The following CHST11 variants were observed in gnomAD, a reference collection of about 807,000 sequenced individuals.
The protein encoded by CHST11 is carbohydrate sulfotransferase 11.
A neutral mutation model predicts 30.4 loss-of-function variants in CHST11; 9 were observed. The observed-to-expected ratio is 0.30, with a 90% confidence interval of 0.18 to 0.52. The LOEUF is 0.52. Ranked by LOEUF, CHST11 falls within the 20% of genes least tolerant of loss-of-function variation. The pLI is 0.97. For missense variants in CHST11, 348 were observed against 460.6 expected, an observed-to-expected ratio of 0.76 and a Z score of 2.24; for synonymous variants, 152 against 187.8, an observed-to-expected ratio of 0.81 and a Z score of 1.56.
intron 1 of CHST11, among the ~76,000 whole-genome samples, chr12:104,577,209 G>C (rs1179277576): frequency 1.4e-5 from 2 of 139,932 alleles, no homozygotes; most frequent in Non-Finnish European, 3.1e-5. Flanking sequence ...GGTATGATTC[G>C]TGTATCTGAG....
intron 2 of CHST11, among the ~76,000 whole-genome samples, chr12:104,687,443 C>G (rs1385949921): frequency 6.6e-6 from 1 of 152,242 alleles, no homozygotes; most frequent in Non-Finnish European, 1.5e-5. Flanking sequence ...CCTGAGTTAT[C>G]TCATCTCACC....
chr12:104,753,263 A>G (rs2040448391), intron 2 of CHST11, among the ~76,000 whole-genome samples: 1 of 152,200 alleles, frequency 6.6e-6, no homozygotes, highest in South Asian at 2.1e-4. Context: ...CCACGTTCTC[A>G]TTCATGTGTT....
intron 2 of CHST11, among the ~76,000 whole-genome samples, chr12:104,656,521 A>G (rs1008854439): frequency 2.0e-5 from 3 of 152,120 alleles, no homozygotes; most frequent in East Asian, 1.9e-4. Flanking sequence ...GTCATCTCCT[A>G]TGAAGCCAAC....
chr12:104,658,815 T>C (rs911130270), intron 2 of CHST11, among the ~76,000 whole-genome samples: 1 of 152,360 alleles, frequency 6.6e-6, no homozygotes, highest in East Asian at 1.9e-4. Flanking sequence ...TATTAACTCA[T>C]GTAATCCTCA....
chr12:104,680,935 G>GAC (rs1310781707), intron 2 of CHST11, among the ~76,000 whole-genome samples: 3 of 152,212 alleles, frequency 2.0e-5, no homozygotes, highest in African/African-American at 7.2e-5. Context: ...TGGCTGTGTG[G>GAC]TCTTGGACAA....
At chr12:104,611,435 T>C (rs1480352248) in intron 2 of CHST11, among the ~76,000 whole-genome samples, 1 of 152,228 alleles carries the variant, frequency 6.6e-6, no homozygotes, top group Non-Finnish European at 1.5e-5. Flanking sequence ...GTTATGACAC[T>C]AATCTCACTC....
chr12:104,601,786 A>G, intron 1 of CHST11, 120 bp from the exon 2 acceptor site: 1 of 722,812 alleles, frequency 1.4e-6, no homozygotes, highest in Non-Finnish European at 2.3e-6. Flanking sequence ...TTCCTTTGCT[A>G]GAAGCTGGTT....
intron 2 of CHST11, among the ~76,000 whole-genome samples, chr12:104,605,152 CAAAAAAAA>C (rs3039180): frequency 2.6e-4 from 24 of 93,516 alleles, no homozygotes; most frequent in Non-Finnish European, 3.3e-4. Context: ...ATCCCCTCTC[CAAAAAAAA>C]AAAAAAAAAA....
rs374693061 is a variant in CHST11, at chr12:104,635,470, AG to A, written c.204+33485del. ...GTCTTACAAGCAGTCATCTCATCAC[AG>A]GGGGGTTGGAAGGAGAATTCAGGAG... is the stretch of plus-strand genomic sequence containing the variant. On this transcript the variant is annotated intron_variant, in intron 2 of 2. Coordinates refer to ENST00000303694, the MANE Select transcript of CHST11 (RefSeq NM_018413.6). 4.6e-3 allele frequency among the ~76,000 whole-genome samples: 708 copies of A among 152,260 alleles called. 4 individuals are homozygous for A. The highest frequency in any genetic ancestry group is 0.016 in the African/African-American group (677 of 41,544).
At position 104,730,598 on chromosome 12, in the gene CHST11, C is replaced by T. The variant is rs143547511; in HGVS notation, c.205-26351C>T. ...AAGTGTGGCGTGGCTGGCCCAGCGA[C>T]GGGCCCAGAGGAGGAGACACTTGGT... On this transcript the variant is annotated intron_variant, in intron 2 of 2. Transcript: ENST00000303694. Among the ~76,000 whole-genome samples the T allele has an allele frequency of 6.3e-3, 955 of 152,138 alleles. 16 individuals carry two copies. The highest frequency in any genetic ancestry group is 0.021 in the African/African-American group (891 of 41,496).
intron 2 of CHST11, among the ~76,000 whole-genome samples, chr12:104,631,687 C>A (rs1276425442): frequency 6.6e-6 from 1 of 152,212 alleles, no homozygotes; most frequent in African/African-American, 2.4e-5. Flanking sequence ...CCTCCCTTTG[C>A]TCTCAGGACT....
chr12:104,749,142 G>T (rs558218032), intron 2 of CHST11, among the ~76,000 whole-genome samples: 1 of 152,160 alleles, frequency 6.6e-6, no homozygotes, highest in South Asian at 2.1e-4. Flanking sequence ...GTGAATCGTG[G>T]CATTATTCAG....
intron 1 of CHST11, among the ~76,000 whole-genome samples, chr12:104,558,602 G>A (rs891229253): frequency 7.3e-6 from 1 of 136,264 alleles, no homozygotes; most frequent in Non-Finnish European, 1.5e-5. Context: ...GCAGTGGCGC[G>A]ATCTTGGGCC....
At chr12:104,745,909 T>G (rs535650754) in intron 2 of CHST11, among the ~76,000 whole-genome samples, 55 of 152,322 alleles carry the variant, frequency 3.6e-4, no homozygotes, top group African/African-American at 1.3e-3. Context: ...CTTCCTTTCT[T>G]CCTACTCAAA....
chr12:104,457,795 T>G (rs1330837949), intron 1 of CHST11, among the ~76,000 whole-genome samples: 2 of 148,894 alleles, frequency 1.3e-5, no homozygotes, highest in African/African-American at 4.9e-5. Flanking sequence ...GTTTTTTTTT[T>G]TTTTTTTTTC....
At chr12:104,663,254 G>C (rs1035148002) in intron 2 of CHST11, among the ~76,000 whole-genome samples, 1 of 152,164 alleles carries the variant, frequency 6.6e-6, no homozygotes, top group Non-Finnish European at 1.5e-5. Flanking sequence ...CTGTGATTTC[G>C]CTAAGGTTGA....
intron 1 of CHST11, among the ~76,000 whole-genome samples, chr12:104,568,175 C>G (rs182468196): frequency 6.6e-6 from 1 of 152,102 alleles, no homozygotes; most frequent in African/African-American, 2.4e-5. Context: ...TGTTTAGGGC[C>G]GGGGTCTTCC....
intron 2 of CHST11, among the ~76,000 whole-genome samples, chr12:104,615,478 A>G (rs1246582374): frequency 1.3e-5 from 2 of 152,180 alleles, no homozygotes; most frequent in African/African-American, 4.8e-5. Context: ...GAGAAAGATG[A>G]ATGTCTGAGG....
At chr12:104,752,991 A>G (rs1015878417) in intron 2 of CHST11, among the ~76,000 whole-genome samples, 2 of 152,226 alleles carry the variant, frequency 1.3e-5, no homozygotes, top group African/African-American at 4.8e-5. Context: ...ATGGAAAGAC[A>G]AAGTTCCTGC....
Sources: allele counts gnomAD v4.1 joint callset (sites outside exome capture counted in the v4.1 genomes callset), GRCh38; gene constraint gnomAD v4.1.1; transcripts MANE v1.5; gene names NCBI Gene and HGNC (gene_info 2026-07-23, HGNC 2026-07-21).